The following FYTTD1 variants were observed in gnomAD, a reference collection of about 807,000 sequenced individuals.
FYTTD1 encodes the protein forty-two-three domain containing 1.
A neutral mutation model predicts 40.9 loss-of-function variants in FYTTD1; 22 were observed. That is an observed-to-expected ratio of 0.54 (90% confidence interval 0.38 to 0.77). The LOEUF is 0.77. FYTTD1 is among the 30% of genes least tolerant of loss of function. The probability of loss-of-function intolerance (pLI) is 0.00; values close to 1 mark genes in which losing one functional copy is unlikely to be tolerated. For missense variants in FYTTD1, 351 were observed against 392.2 expected, an observed-to-expected ratio of 0.90 and a Z score of 0.89; for synonymous variants, 140 against 137.9, an observed-to-expected ratio of 1.01 and a Z score of -0.10.
intron 4 of FYTTD1, among the ~76,000 whole-genome samples, chr3:197,772,316 T>C (rs1425356654): frequency 6.6e-6 from 1 of 152,152 alleles, no homozygotes; most frequent in Non-Finnish European, 1.5e-5. Context: ...TAAACACTCG[T>C]TTATATAGTG....
At chr3:197,749,632 G>A, upstream of FYTTD1, 1 of 964,512 alleles carries the variant, frequency 1.0e-6, no homozygotes, top group Non-Finnish European at 1.5e-6. Flanking sequence ...TTATATCACT[G>A]AAGGCATAAG....
intron 4 of FYTTD1, among the ~76,000 whole-genome samples, chr3:197,771,934 AAAT>A (rs1236599511): frequency 6.6e-5 from 10 of 152,050 alleles, no homozygotes; most frequent in African/African-American, 2.4e-4. Flanking sequence ...TCTCTACTAA[AAAT>A]ACAAAAATTA....
intron 7 of FYTTD1, 149 bp downstream of exon 7, chr3:197,777,150 A>G: frequency 1.7e-6 from 1 of 589,334 alleles, no homozygotes; most frequent in Non-Finnish European, 3.0e-6. Context: ...GAAACAGTAT[A>G]TGGTGTAAAG....
intron 8 of FYTTD1, among the ~76,000 whole-genome samples, chr3:197,780,125 ACAT>A (rs1464958414): frequency 2.2e-5 from 3 of 137,818 alleles, no homozygotes; most frequent in East Asian, 2.2e-4. Flanking sequence ...ATAGGCACAC[ACAT>A]CAGCACACCT....
At chr3:197,755,476 C>T (rs371216387) in intron 1 of FYTTD1, among the ~76,000 whole-genome samples, 2 of 151,090 alleles carry the variant, frequency 1.3e-5, no homozygotes, top group Admixed American at 6.6e-5. Flanking sequence ...TATGGAGTCT[C>T]GCTCTGTCAC....
In FYTTD1 at chr3:197,750,059, A is replaced by G; in HGVS notation, c.88A>G (p.Ile30Val). The G allele has an allele frequency of 6.3e-7, 1 of 1,580,084 alleles. No individual in the cohort carries two copies. The highest frequency in any genetic ancestry group is 8.6e-7 in the Non-Finnish European group (1 of 1,164,572). Residue 30 changes from isoleucine to valine, a missense_variant, in exon 1 of 9, where the codon ATA becomes GTA. Coordinates refer to ENST00000241502, the MANE Select transcript of FYTTD1 (RefSeq NM_032288.7). ...CCGCAGCAATGAAAACCTCGACAAA[A>G]TAGATATGTCTTTGGGTGAGGGGCC... ...KARSNENLDK[I>V]DMSLDDIIKL...
At chr3:197,771,621 CA>C (rs1254919807) in intron 4 of FYTTD1, among the ~76,000 whole-genome samples, 2 of 151,230 alleles carry the variant, frequency 1.3e-5, no homozygotes, top group East Asian at 2.0e-4. Flanking sequence ...ACTAAAAATA[CA>C]AAAAATTAGC....
intron 2 of FYTTD1, among the ~76,000 whole-genome samples, chr3:197,766,524 C>T (rs1436263957): frequency 1.0e-4 from 15 of 149,870 alleles, no homozygotes; most frequent in Non-Finnish European, 1.8e-4. Context: ...CTCACTGTAA[C>T]CTCTGCTTCC....
intron 1 of FYTTD1, among the ~76,000 whole-genome samples, chr3:197,752,969 GT>G (rs1163950398): frequency 6.6e-6 from 1 of 152,050 alleles, no homozygotes; most frequent in Non-Finnish European, 1.5e-5. Context: ...TATGTGTTTT[GT>G]TTGATGATTA....
chr3:197,776,558 T>A (rs1161559016), intron 6 of FYTTD1, among the ~76,000 whole-genome samples: 1 of 151,658 alleles, frequency 6.6e-6, no homozygotes, highest in Non-Finnish European at 1.5e-5. Flanking sequence ...AGCATCTTGT[T>A]TAGTGAATTG....
intron 6 of FYTTD1, among the ~76,000 whole-genome samples, chr3:197,775,015 G>A (rs902161107): frequency 2.0e-5 from 3 of 152,182 alleles, no homozygotes; most frequent in South Asian, 2.1e-4. Flanking sequence ...TTAGTGCCAC[G>A]TAGATTACTT....
At chr3:197,764,708 C>CA (rs375534910) in intron 2 of FYTTD1, among the ~76,000 whole-genome samples, 27 of 89,512 alleles carry the variant, frequency 3.0e-4, no homozygotes, top group African/African-American at 5.4e-4. Flanking sequence ...GAGTCCGTCC[C>CA]AAAAAAAAAA....
intron 3 of FYTTD1, among the ~76,000 whole-genome samples, 199 bp downstream of exon 3, chr3:197,768,786 GTTGT>G (rs941907896): frequency 2.6e-5 from 4 of 151,984 alleles, no homozygotes; most frequent in African/African-American, 4.8e-5. Flanking sequence ...ATATAAGTAA[GTTGT>G]TTGTTTGTTT....
At chr3:197,750,107 G>C (rs147513449) in intron 1 of FYTTD1, 33 bp downstream of exon 1, 6 of 1,480,868 alleles carry the variant, frequency 4.1e-6, no homozygotes, top group Non-Finnish European at 5.5e-6. Context: ...GTTGGAGTGC[G>C]GGGGAGGGCG....
At chr3:197,764,690 C>G (rs185502740) in intron 2 of FYTTD1, among the ~76,000 whole-genome samples, 23 of 107,560 alleles carry the variant, frequency 2.1e-4, no homozygotes, top group African/African-American at 7.6e-4. Context: ...GCCCGGGTGA[C>G]AGAGCGAGAG....
At chr3:197,768,707 A>G (rs1729623308) in intron 3 of FYTTD1, 120 bp downstream of exon 3, 2 of 694,058 alleles carry the variant, frequency 2.9e-6, no homozygotes, top group African/African-American at 1.8e-5. Flanking sequence ...GGACTGATAT[A>G]AAAAAATTTA....
At chr3:197,749,838 C>G (rs1313928333), upstream of FYTTD1, 12 of 527,366 alleles carry the variant, frequency 2.3e-5, no homozygotes, top group African/African-American at 6.1e-5. Flanking sequence ...CGCCCGCAGC[C>G]GCGGGTGGAG....
chr3:197,749,875 G>C, upstream of FYTTD1: 1 of 740,966 alleles, frequency 1.3e-6, no homozygotes, highest in Non-Finnish European at 2.0e-6. Flanking sequence ...GCGCGTGCGC[G>C]CTCCCTCGGT....
At chr3:197,774,402 G>A (rs1461506135) in intron 6 of FYTTD1, among the ~76,000 whole-genome samples, 192 bp downstream of exon 6, 2 of 152,238 alleles carry the variant, frequency 1.3e-5, no homozygotes, top group African/African-American at 2.4e-5. Flanking sequence ...AGAATTGATG[G>A]AGCCCAAGAG....
Sources: gnomAD v4.1 joint callset for allele counts (sites outside exome capture counted in the v4.1 genomes callset) on GRCh38, gnomAD v4.1.1 for gene constraint, MANE v1.5 for transcripts, NCBI Gene and HGNC (gene_info 2026-07-23, HGNC 2026-07-21) for gene names.